PTN: variants seen among roughly 807,000 people sequenced by gnomAD.
The protein encoded by PTN is pleiotrophin.
Under a neutral mutation model 24.1 loss-of-function variants are expected in PTN, and 18 were observed. The observed-to-expected ratio is 0.75, with a 90% CI of 0.52 to 1.11. The LOEUF (loss-of-function observed/expected upper bound fraction) is 1.11. PTN is among the 50% of genes least tolerant of loss of function. The probability of loss-of-function intolerance (pLI) is 0.00; values close to 1 mark genes in which losing one functional copy is unlikely to be tolerated. For synonymous variants in PTN, 78 were observed against 68.6 expected, an observed-to-expected ratio of 1.14 and a Z score of -0.67; for missense variants, 163 against 198.8, an observed-to-expected ratio of 0.82 and a Z score of 1.08.
intron 1 of PTN, among the ~76,000 whole-genome samples, chr7:137,315,879 C>T (rs754972252): frequency 6.6e-6 from 1 of 152,112 alleles, no homozygotes; most frequent in Non-Finnish European, 1.5e-5. Context: ...TAAGTCTCTG[C>T]CTCTGCCACT....
chr7:137,241,665 TAG>T (rs1349624947), intron 4 of PTN, among the ~76,000 whole-genome samples: 1 of 152,152 alleles, frequency 6.6e-6, no homozygotes, highest in East Asian at 1.9e-4. Flanking sequence ...AAGAAAAGGA[TAG>T]AGTTAGATCT....
intron 1 of PTN, among the ~76,000 whole-genome samples, chr7:137,281,118 C>T (rs1809466891): frequency 1.3e-5 from 2 of 151,890 alleles, no homozygotes; most frequent in South Asian, 4.2e-4. Context: ...TGTGATTCAG[C>T]CAAGTTATGT....
intron 1 of PTN, among the ~76,000 whole-genome samples, chr7:137,279,578 C>G (rs1468079331): frequency 6.6e-6 from 1 of 152,022 alleles, no homozygotes; most frequent in Non-Finnish European, 1.5e-5. Context: ...TGATCTATTT[C>G]AGAAGTCAAC....
intron 1 of PTN, among the ~76,000 whole-genome samples, chr7:137,299,432 T>C (rs966016771): frequency 2.0e-5 from 3 of 151,906 alleles, no homozygotes; most frequent in African/African-American, 7.3e-5. Flanking sequence ...GATCCAGTCA[T>C]TAGGCCAGGT....
chr7:137,336,350 C>T (rs1464030665), intron 1 of PTN, among the ~76,000 whole-genome samples: 1 of 152,138 alleles, frequency 6.6e-6, no homozygotes, highest in Non-Finnish European at 1.5e-5. Flanking sequence ...CAAACCTTAA[C>T]TCCTTCCCTG....
intron 1 of PTN, among the ~76,000 whole-genome samples, chr7:137,317,828 G>A (rs1465555545): frequency 1.3e-5 from 2 of 152,096 alleles, no homozygotes; most frequent in Non-Finnish European, 2.9e-5. Context: ...AGGAAGATGC[G>A]TCAACTGAGG....
intron 1 of PTN, among the ~76,000 whole-genome samples, chr7:137,257,655 C>A (rs968353021): frequency 5.3e-5 from 8 of 152,162 alleles, no homozygotes; most frequent in African/African-American, 1.9e-4. Flanking sequence ...TTTAAAAGGG[C>A]AAATTATTTT....
At chr7:137,243,039 C>T (rs759091363) in intron 4 of PTN, among the ~76,000 whole-genome samples, 5 of 152,182 alleles carry the variant, frequency 3.3e-5, no homozygotes, top group Non-Finnish European at 7.3e-5. Context: ...TGGGTTCAAG[C>T]GATTCTCCTG....
At chr7:137,306,188 G>T (rs3898947) in intron 1 of PTN, among the ~76,000 whole-genome samples, 3,711 of 152,116 alleles carry the variant, frequency 0.024, 144 homozygotes, top group African/African-American at 0.081. Flanking sequence ...CCTTCCAGTT[G>T]CCCTCTTTAA....
At chr7:137,237,184 T>C (rs544079000) in intron 4 of PTN, among the ~76,000 whole-genome samples, 4 of 152,248 alleles carry the variant, frequency 2.6e-5, no homozygotes, top group South Asian at 4.1e-4. Flanking sequence ...GGCATTCGGA[T>C]AGACCCTAAT....
At chr7:137,255,078 G>C in intron 1 of PTN, 104 bp from the exon 2 acceptor site, 2 of 705,154 alleles carry the variant, frequency 2.8e-6, no homozygotes, top group Non-Finnish European at 4.3e-6. Context: ...TTTCTGGAAT[G>C]TTAGATTTCA....
At chr7:137,290,661 A>T in intron 1 of PTN, among the ~76,000 whole-genome samples, 1 of 152,178 alleles carries the variant, frequency 6.6e-6, no homozygotes, top group East Asian at 1.9e-4. Context: ...AGTGCAAGAA[A>T]TAAATACATA....
In PTN at chr7:137,343,554, C is replaced by T. The variant is rs1562977218; in HGVS notation, c.-117G>A. The T allele has an allele frequency of 1.9e-6, 1 of 519,018 alleles. No homozygotes were observed. The highest frequency in any genetic ancestry group is 3.8e-6 in the Non-Finnish European group (1 of 259,878). 32.2% of individuals were successfully genotyped at this position (519,018 alleles called of 1,614,324 possible). A position where few individuals can be genotyped will look rare whatever the true frequency, so the allele number is the denominator to read the frequency against. Reference sequence around the variant, plus strand: ...GCAGCTCCTGCTTGGGCCGCTGCTGCTCTCCCCGCCTTCTGGACGGATGAC... The same window carrying T: ...GCAGCTCCTGCTTGGGCCGCTGCTGTTCTCCCCGCCTTCTGGACGGATGAC... On this transcript the variant is annotated 5_prime_UTR_variant, in exon 1 of 5. Coordinates refer to ENST00000348225, the MANE Select transcript of PTN (RefSeq NM_002825.7).
intron 4 of PTN, chr7:137,236,003 CAG>C (rs1808513798): frequency 1.4e-5 from 8 of 585,138 alleles, no homozygotes; most frequent in Middle Eastern, 4.1e-4. Context: ...CTCCTAAAAA[CAG>C]AAAGTTTAGC....
At chr7:137,341,483 T>C (rs1810532865) in intron 1 of PTN, among the ~76,000 whole-genome samples, 1 of 151,864 alleles carries the variant, frequency 6.6e-6, no homozygotes, top group African/African-American at 2.4e-5. Context: ...ATATAATACA[T>C]ATAATACATT....
chr7:137,276,351 G>A (rs147399380), intron 1 of PTN, among the ~76,000 whole-genome samples: 31 of 152,298 alleles, frequency 2.0e-4, no homozygotes, highest in African/African-American at 7.2e-4. Context: ...ACTGCAGAAC[G>A]TGCTGGGAAT....
chr7:137,323,580 G>A (rs1035729805), intron 1 of PTN, among the ~76,000 whole-genome samples: 1 of 152,134 alleles, frequency 6.6e-6, no homozygotes, highest in African/African-American at 2.4e-5. Context: ...AAAACAAAGA[G>A]GGATTTTGCT....
At chr7:137,274,195 T>C (rs1809322689) in intron 1 of PTN, among the ~76,000 whole-genome samples, 1 of 152,062 alleles carries the variant, frequency 6.6e-6, no homozygotes, top group African/African-American at 2.4e-5. Context: ...CCACACCCAA[T>C]AGTGCCCCCT....
intron 4 of PTN, among the ~76,000 whole-genome samples, chr7:137,241,510 T>C (rs62487104): frequency 0.15 from 23,133 of 152,074 alleles, 2,099 homozygotes; most frequent in African/African-American, 0.24. Flanking sequence ...AGAAATTCAT[T>C]TGGAAGAAAG....
Sources: allele counts gnomAD v4.1 joint callset (sites outside exome capture counted in the v4.1 genomes callset), GRCh38; gene constraint gnomAD v4.1.1; transcripts MANE v1.5; gene names NCBI Gene and HGNC (gene_info 2026-07-23, HGNC 2026-07-21).